Variants in RP1 observed in about 807,000 individuals in gnomAD.
The protein encoded by RP1 is oxygen-regulated protein 1.
In RP1, 16 loss-of-function variants were observed where a neutral mutation model predicts 14.8. The ratio of observed to expected loss-of-function variants is 1.08; its 90% CI spans 0.73 to 1.65. RP1 has a LOEUF of 1.65. Ranked by LOEUF, RP1 falls within the 40% of genes most tolerant of loss-of-function variation. RP1 has a pLI of 0.00. For synonymous variants in RP1, 876 were observed against 883.6 expected, an observed-to-expected ratio of 0.99 and a Z score of 0.15; for missense variants, 2,631 against 2,535.0, an observed-to-expected ratio of 1.04 and a Z score of -0.81.
At chr8:54,693,384 C>A (rs1364314133) in intron 12 of RP1, among the ~76,000 whole-genome samples, 1 of 151,966 alleles carries the variant, frequency 6.6e-6, no homozygotes, top group Non-Finnish European at 1.5e-5. Context: ...TGGGGATGGC[C>A]TTGAATCTAT....
intron 1 of RP1, among the ~76,000 whole-genome samples, chr8:54,583,640 T>G (rs1804850461): frequency 6.6e-6 from 1 of 152,234 alleles, no homozygotes; most frequent in Non-Finnish European, 1.5e-5. Flanking sequence ...TGTACTTTTT[T>G]TCATTGATAA....
intron 16 of RP1, among the ~76,000 whole-genome samples, chr8:54,721,392 G>A (rs1443167377): frequency 6.6e-6 from 1 of 152,200 alleles, no homozygotes; most frequent in Non-Finnish European, 1.5e-5. Flanking sequence ...AAGAATACAG[G>A]AGTAGAAAAA....
chr8:54,776,462 T>C (rs150516369), intron 23 of RP1, among the ~76,000 whole-genome samples: 329 of 152,338 alleles, frequency 2.2e-3, no homozygotes, highest in African/African-American at 7.6e-3. Flanking sequence ...GGATTACAGA[T>C]GTGAGCTACT....
upstream of RP1, among the ~76,000 whole-genome samples, chr8:54,611,784 A>T (rs1488262377): frequency 6.6e-6 from 1 of 151,884 alleles, no homozygotes; most frequent in Admixed American, 6.6e-5. Flanking sequence ...TTCTTTGTTT[A>T]AAACTCTATT....
downstream of RP1, among the ~76,000 whole-genome samples, chr8:54,635,535 T>C (rs1806329648): frequency 6.6e-6 from 1 of 152,176 alleles, no homozygotes; most frequent in South Asian, 2.1e-4. Context: ...TTTATGTTCA[T>C]ATATATGAAT....
At position 54,691,080 on chromosome 8, in the gene RP1, C is replaced by T. The variant is rs1390997490; in HGVS notation, c.1718-8387C>T. On this transcript the variant is annotated intron_variant, in intron 12 of 22. Transcript: ENST00000636932. ...TCCCTCCTGGTTTGAGAGATAGCCA[C>T]GAATGGATTTGAAGTAGAGTAGAAA... Among the ~76,000 whole-genome samples, 5 of 151,890 alleles carry T rather than the reference C, an allele frequency of 3.3e-5. No homozygotes were observed. In the South Asian group the frequency reaches 6.2e-4, roughly 19 times the overall value.
chr8:54,803,639 A>T (rs1202476780), intron 24 of RP1, among the ~76,000 whole-genome samples: 1 of 152,234 alleles, frequency 6.6e-6, no homozygotes, highest in African/African-American at 2.4e-5. Flanking sequence ...AAGGATTTCC[A>T]GGGTATATTA....
intron 24 of RP1, among the ~76,000 whole-genome samples, chr8:54,798,115 G>A (rs1417470729): frequency 2.0e-5 from 3 of 152,120 alleles, no homozygotes; most frequent in Non-Finnish European, 4.4e-5. Context: ...CTGGGCTCAA[G>A]TGATTCTCAT....
intron 28 of RP1, chr8:54,865,968 A>G (rs1374752047): frequency 2.5e-6 from 2 of 785,452 alleles, no homozygotes; most frequent in Non-Finnish European, 3.4e-6. Flanking sequence ...TGTCCAATTT[A>G]TTCCACCTGT....
At chr8:54,681,206 A>G (rs184363017) in intron 12 of RP1, among the ~76,000 whole-genome samples, 2 of 152,212 alleles carry the variant, frequency 1.3e-5, no homozygotes, top group East Asian at 3.9e-4. Flanking sequence ...CCACAAAAAT[A>G]TCTCCCATTG....
chr8:54,735,520 T>C (rs912499468), intron 18 of RP1, among the ~76,000 whole-genome samples: 1 of 152,196 alleles, frequency 6.6e-6, no homozygotes, highest in Admixed American at 6.5e-5. Context: ...TAGAGAATGA[T>C]TGAGGACAAC....
At chr8:54,753,941 A>G (rs977213293) in intron 19 of RP1, among the ~76,000 whole-genome samples, 1 of 152,172 alleles carries the variant, frequency 6.6e-6, no homozygotes, top group Non-Finnish European at 1.5e-5. Context: ...AGGGACAGGG[A>G]CTTATTTAGA....
At chr8:54,618,531 A>G (rs754773794) in intron 1 of RP1, among the ~76,000 whole-genome samples, 1 of 152,170 alleles carries the variant, frequency 6.6e-6, no homozygotes, top group Non-Finnish European at 1.5e-5. Flanking sequence ...GAAAAATATC[A>G]TTTTCCAAAA....
intron 3 of RP1, chr8:54,648,869 G>A: frequency 3.4e-6 from 2 of 579,948 alleles, no homozygotes; most frequent in South Asian, 4.8e-5. Context: ...TTTCAGAGGA[G>A]ATGAAGAATA....
At chr8:54,602,623 C>T (rs940073744) in intron 1 of RP1, among the ~76,000 whole-genome samples, 1 of 152,236 alleles carries the variant, frequency 6.6e-6, no homozygotes, top group Non-Finnish European at 1.5e-5. Flanking sequence ...CTGACTTCCA[C>T]AATGGTTGAA....
At chr8:54,663,468 AT>A (rs1217188659) in intron 6 of RP1, among the ~76,000 whole-genome samples, 1 of 152,114 alleles carries the variant, frequency 6.6e-6, no homozygotes, top group Non-Finnish European at 1.5e-5. Context: ...AATCAATTTT[AT>A]TGTTATTGTT....
intron 3 of RP1, among the ~76,000 whole-genome samples, chr8:54,637,563 T>C (rs1014458019): frequency 2.6e-5 from 4 of 152,244 alleles, no homozygotes; most frequent in Non-Finnish European, 5.9e-5. Context: ...GGCATCTTTC[T>C]TGAAAATATT....
intron 3 of RP1, among the ~76,000 whole-genome samples, chr8:54,637,819 G>T (rs1201695054): frequency 6.6e-6 from 1 of 151,916 alleles, no homozygotes; most frequent in Non-Finnish European, 1.5e-5. Context: ...GTTTTCCTTG[G>T]ATTAAAAATG....
intron 25 of RP1, among the ~76,000 whole-genome samples, chr8:54,845,241 G>A (rs1811886919): frequency 6.6e-6 from 1 of 152,170 alleles, no homozygotes; most frequent in African/African-American, 2.4e-5. Flanking sequence ...CTGGGAAGGT[G>A]GCCTAGAAAG....
Sources: gnomAD v4.1 joint callset for allele counts (sites outside exome capture counted in the v4.1 genomes callset) on GRCh38, gnomAD v4.1.1 for gene constraint, MANE v1.5 for transcripts, NCBI Gene and HGNC (gene_info 2026-07-23, HGNC 2026-07-21) for gene names.